The following FGF14 variants were observed in gnomAD, a reference collection of about 807,000 sequenced individuals.
FGF14 encodes the protein fibroblast growth factor 14.
Under a neutral mutation model 25.5 loss-of-function variants are expected in FGF14, and 5 were observed. The ratio of observed to expected loss-of-function variants is 0.20; its 90% CI spans 0.10 to 0.41. FGF14 has a LOEUF of 0.41. Among genes scored for constraint, FGF14 ranks in the 10% least tolerant of loss-of-function variants. The pLI is 1.00. For synonymous variants in FGF14, 138 were observed against 118.3 expected, an observed-to-expected ratio of 1.17 and a Z score of -1.08; for missense variants, 222 against 320.1, an observed-to-expected ratio of 0.69 and a Z score of 2.34.
intron 1 of FGF14, among the ~76,000 whole-genome samples, chr13:102,277,690 G>C (rs2053615812): frequency 6.6e-6 from 1 of 152,232 alleles, no homozygotes; most frequent in African/African-American, 2.4e-5. Flanking sequence ...ATCTTCTTGA[G>C]AAACAGGAAG....
chr13:101,864,952 C>G (rs2044621037), intron 3 of FGF14, among the ~76,000 whole-genome samples: 1 of 152,102 alleles, frequency 6.6e-6, no homozygotes, highest in Admixed American at 6.6e-5. Flanking sequence ...ATCATGTAAT[C>G]TGACAGATGA....
chr13:102,202,089 TC>T (rs1277326940), intron 1 of FGF14, among the ~76,000 whole-genome samples: 2 of 152,080 alleles, frequency 1.3e-5, no homozygotes, highest in Non-Finnish European at 2.9e-5. Flanking sequence ...AAGTGCTGCC[TC>T]CCCCTTCGCC....
chr13:102,165,918 TA>T (rs564718246), intron 1 of FGF14, among the ~76,000 whole-genome samples: 66 of 148,518 alleles, frequency 4.4e-4, no homozygotes, highest in Admixed American at 8.1e-4. Flanking sequence ...TCTTTTCCTT[TA>T]AAAAAAAAAT....
At chr13:102,156,103 T>C (rs371146108) in intron 1 of FGF14, among the ~76,000 whole-genome samples, 4 of 152,232 alleles carry the variant, frequency 2.6e-5, no homozygotes, top group East Asian at 1.9e-4. Flanking sequence ...GGTACCATTC[T>C]TTCTGAAACT....
At chr13:102,383,533 C>T (rs2058234898) in intron 1 of FGF14, among the ~76,000 whole-genome samples, 2 of 152,142 alleles carry the variant, frequency 1.3e-5, no homozygotes, top group South Asian at 4.1e-4. Flanking sequence ...CAGCCATGTA[C>T]TCTTCATTCT....
chr13:101,784,576 T>C (rs2039695600), intron 3 of FGF14, among the ~76,000 whole-genome samples: 1 of 152,220 alleles, frequency 6.6e-6, no homozygotes. Context: ...TTTAGTCTTA[T>C]GTAAAGTTTA....
chr13:102,239,207 A>T (rs972773708), intron 1 of FGF14, among the ~76,000 whole-genome samples: 1 of 152,194 alleles, frequency 6.6e-6, no homozygotes, highest in Non-Finnish European at 1.5e-5. Context: ...CAGTTACTGT[A>T]CAGATTTTTC....
At chr13:102,237,614 G>C (rs2051392861) in intron 1 of FGF14, among the ~76,000 whole-genome samples, 2 of 148,430 alleles carry the variant, frequency 1.3e-5, no homozygotes, top group Admixed American at 6.7e-5. Context: ...TTACAAACCT[G>C]GTTCAAATCA....
chr13:102,225,156 G>A (rs2140971367), intron 1 of FGF14, among the ~76,000 whole-genome samples: 1 of 152,172 alleles, frequency 6.6e-6, no homozygotes. Context: ...GGCCTTCAGA[G>A]CTCTGAAACC....
At chr13:102,140,335 C>T (rs1274623633) in intron 1 of FGF14, among the ~76,000 whole-genome samples, 1 of 152,108 alleles carries the variant, frequency 6.6e-6, no homozygotes, top group Non-Finnish European at 1.5e-5. Flanking sequence ...TTAACCAAAA[C>T]AGACTCAGTG....
chr13:102,051,070 CA>C (rs1229705576), intron 1 of FGF14, among the ~76,000 whole-genome samples: 7 of 152,214 alleles, frequency 4.6e-5, no homozygotes, highest in Admixed American at 3.9e-4. Context: ...GGTCAATATG[CA>C]AGTGCCCACA....
chr13:102,044,407 T>C (rs1310635376), intron 1 of FGF14, among the ~76,000 whole-genome samples: 1 of 151,970 alleles, frequency 6.6e-6, no homozygotes, highest in African/African-American at 2.4e-5. Context: ...AAGAGGAACA[T>C]ATATAAATAA....
intron 1 of FGF14, among the ~76,000 whole-genome samples, chr13:102,368,255 T>C (rs538392772): frequency 2.0e-5 from 3 of 152,324 alleles, no homozygotes; most frequent in East Asian, 3.9e-4. Flanking sequence ...AGAAAATACA[T>C]CTTAACTTCC....
intron 1 of FGF14, among the ~76,000 whole-genome samples, chr13:102,382,927 G>A (rs555424301): frequency 6.6e-6 from 1 of 152,188 alleles, no homozygotes; most frequent in Admixed American, 6.5e-5. Flanking sequence ...GCATATCAGT[G>A]GTTGCCAGGG....
intron 1 of FGF14, among the ~76,000 whole-genome samples, chr13:101,887,052 G>C (rs2046025614): frequency 6.6e-6 from 1 of 152,024 alleles, no homozygotes; most frequent in Non-Finnish European, 1.5e-5. Flanking sequence ...ACATATGCCG[G>C]GGAGGATGCA....
intron 1 of FGF14, among the ~76,000 whole-genome samples, chr13:102,386,930 T>C (rs74112337): frequency 0.041 from 6,217 of 152,276 alleles, 387 homozygotes; most frequent in African/African-American, 0.13. Context: ...ACTCACCCAC[T>C]AAAATGACAG....
At chr13:102,260,742 A>G (rs1392610536) in intron 1 of FGF14, among the ~76,000 whole-genome samples, 1 of 152,204 alleles carries the variant, frequency 6.6e-6, no homozygotes, top group African/African-American at 2.4e-5. Context: ...CCTTCATCCT[A>G]CCCAGCAACT....
intron 1 of FGF14, among the ~76,000 whole-genome samples, chr13:102,382,446 TTAC>T (rs1174411748): frequency 2.6e-5 from 4 of 152,118 alleles, no homozygotes; most frequent in Admixed American, 1.3e-4. Context: ...GCCACCAAAA[TTAC>T]TACTATCAAA....
intron 1 of FGF14, among the ~76,000 whole-genome samples, chr13:101,912,699 T>A (rs895039478): frequency 1.3e-5 from 2 of 152,096 alleles, no homozygotes; most frequent in African/African-American, 4.8e-5. Context: ...AAATATGTAA[T>A]CCCTCTAATT....
Sources: gnomAD v4.1 joint callset for allele counts (sites outside exome capture counted in the v4.1 genomes callset) on GRCh38, gnomAD v4.1.1 for gene constraint, MANE v1.5 for transcripts, NCBI Gene and HGNC (gene_info 2026-07-23, HGNC 2026-07-21) for gene names.